CRTAM: variants seen among roughly 807,000 people sequenced by gnomAD.
The protein encoded by CRTAM is cytotoxic and regulatory T-cell molecule.
Under a neutral mutation model 50.0 loss-of-function variants are expected in CRTAM, and 44 were observed. The observed-to-expected ratio is 0.88, with a 90% confidence interval of 0.69 to 1.13. The LOEUF (loss-of-function observed/expected upper bound fraction) is 1.13, where lower values mean the gene tolerates loss of function less well. CRTAM is among the 50% of genes most tolerant of loss of function. The pLI is 0.00. For synonymous variants in CRTAM, 159 were observed against 169.3 expected, an observed-to-expected ratio of 0.94 and a Z score of 0.47; for missense variants, 448 against 457.5, an observed-to-expected ratio of 0.98 and a Z score of 0.19.
At position 122,872,535 on chromosome 11, in the gene CRTAM, A is replaced by G. The variant is rs1862269582; in HGVS notation, c.*1136A>G. On this transcript the variant is annotated 3_prime_UTR_variant, in exon 10 of 10. Coordinates refer to ENST00000227348, the MANE Select transcript of CRTAM (RefSeq NM_019604.4). ...TTCACGTGTGAAAGTAACATGGGAC[A>G]TGCCTTTCTTTTCCGATCAGTTTAT... 6.5e-6 allele frequency: 1 copy of G among 152,686 alleles called. No individual in the cohort carries two copies. The highest frequency in any genetic ancestry group is 6.5e-5 in the Admixed American group (1 of 15,280). The allele number at this position is 152,686 out of a possible 1,614,324, so 9.5% of individuals were successfully genotyped here.
intron 7 of CRTAM, among the ~76,000 whole-genome samples, chr11:122,865,617 A>T (rs551038847): frequency 6.6e-6 from 1 of 152,184 alleles, no homozygotes; most frequent in East Asian, 1.9e-4. Context: ...TATTTCCAGA[A>T]CATCCTCCTC....
chr11:122,850,162 C>T lies in CRTAM; in HGVS notation c.141C>T (p.Ser47=). The stretch of plus-strand genomic sequence containing the variant: ...TCACTTCTCTGAGGAAGAACTCCTC[C>T]CTCCAGTGGCTGACCCCCTCAGGGT... ...KCVTSLRKNS[S]LQWLTPSGFT... Residue 47 remains serine, a synonymous_variant, in exon 2 of 10, where the codon TCC becomes TCT. Coordinates refer to ENST00000227348, the MANE Select transcript of CRTAM (RefSeq NM_019604.4). 1 of 1,613,590 alleles carries T rather than the reference C, an allele frequency of 6.2e-7. No individual in the cohort carries two copies. The highest frequency in any genetic ancestry group is 8.5e-7 in the Non-Finnish European group (1 of 1,179,608).
intron 1 of CRTAM, among the ~76,000 whole-genome samples, chr11:122,847,157 T>C (rs534248315): frequency 7.0e-4 from 106 of 152,332 alleles, no homozygotes; most frequent in African/African-American, 2.5e-3. Context: ...TTTTTCCTGT[T>C]TTTATGGTAA....
intron 1 of CRTAM, among the ~76,000 whole-genome samples, chr11:122,848,085 G>T (rs186750160): frequency 9.2e-5 from 14 of 152,282 alleles, no homozygotes; most frequent in Admixed American, 9.1e-4. Context: ...TGAACACTCA[G>T]GCCTGGGGTC....
At position 122,861,165 on chromosome 11, in the gene CRTAM, C is replaced by T. The variant is rs537939911; in HGVS notation, c.653-1299C>T. Among the ~76,000 whole-genome samples the T allele has an allele frequency of 2.5e-3, 377 of 151,774 alleles. 2 individuals carry two copies. Among genetic ancestry groups the T allele is most frequent in the African/African-American group, 8.6e-3 (357 of 41,384 alleles). On this transcript the variant is annotated intron_variant, in intron 5 of 9. Coordinates refer to ENST00000227348, the MANE Select transcript of CRTAM (RefSeq NM_019604.4). The stretch of plus-strand genomic sequence containing the variant: ...TATACTATTATCTCTATAATGTTTC[C>T]TTAGTAATTCTTTCTTTCCTCAGAG...
chr11:122,846,394 C>T (rs548262735), intron 1 of CRTAM, among the ~76,000 whole-genome samples: 102 of 107,232 alleles, frequency 9.5e-4, no homozygotes, highest in African/African-American at 3.5e-3. Context: ...CTGCAACCTC[C>T]TCCTCCCGGG....
rs1261537671 is a variant in CRTAM at position 122,871,288 on chromosome 11, C to T, written c.1071C>T (p.Cys357=). The T allele has an allele frequency of 1.2e-6, 2 of 1,613,112 alleles. No homozygotes were observed. Among genetic ancestry groups the T allele is most frequent in the Middle Eastern group, 1.7e-4 (1 of 6,016 alleles). Residue 357 remains cysteine (C), a synonymous_variant, in exon 10 of 10, where the codon TGC becomes TGT. Transcript: ENST00000227348. ...TTTCAGCTTCCCACCCTATGCGTTG[C>T]ATGAACTACATCACAAAGTTGTACT... ...KNGQSSHPMR[C]MNYITKLYSE...
At chr11:122,847,379 C>A (rs1861878822) in intron 1 of CRTAM, among the ~76,000 whole-genome samples, 1 of 152,150 alleles carries the variant, frequency 6.6e-6, no homozygotes, top group Non-Finnish European at 1.5e-5. Flanking sequence ...ATAAGACAAT[C>A]AAGAGCCAGA....
intron 5 of CRTAM, among the ~76,000 whole-genome samples, chr11:122,861,407 TATATATATA>T (rs1393326842): frequency 6.1e-4 from 12 of 19,654 alleles, no homozygotes; most frequent in African/African-American, 2.6e-3. Context: ...TATATATATA[TATATATATA>T]TATATTTTTT....
chr11:122,852,048 T>A (rs1861937252), intron 3 of CRTAM, among the ~76,000 whole-genome samples: 1 of 152,192 alleles, frequency 6.6e-6, no homozygotes, highest in African/African-American at 2.4e-5. Context: ...TTGTGAAATT[T>A]GTCTTTGACA....
chr11:122,848,538 A>C (rs557928451), intron 1 of CRTAM, among the ~76,000 whole-genome samples: 5 of 152,298 alleles, frequency 3.3e-5, no homozygotes, highest in African/African-American at 1.2e-4. Flanking sequence ...TTCCCGTGAA[A>C]GCTTATATGA....
intron 2 of CRTAM, among the ~76,000 whole-genome samples, chr11:122,850,866 C>A (rs1861921301): frequency 1.3e-5 from 2 of 152,158 alleles, no homozygotes; most frequent in African/African-American, 4.8e-5. Flanking sequence ...TTTTACTAAA[C>A]CCTAGATCAT....
At chr11:122,839,214 A>G (rs542665937) in intron 1 of CRTAM, among the ~76,000 whole-genome samples, 160 of 152,222 alleles carry the variant, frequency 1.1e-3, no homozygotes, top group South Asian at 7.3e-3. Flanking sequence ...TTACAGGCGT[A>G]AGCCACCGCG....
At chr11:122,863,333 G>A (rs947332562) in intron 6 of CRTAM, among the ~76,000 whole-genome samples, 1 of 89,224 alleles carries the variant, frequency 1.1e-5, no homozygotes, top group Non-Finnish European at 3.0e-5. Flanking sequence ...AAGAAAGAAA[G>A]AAAGAAAGAA....
intron 1 of CRTAM, among the ~76,000 whole-genome samples, chr11:122,842,098 C>G (rs1474160474): frequency 6.6e-6 from 1 of 152,102 alleles, no homozygotes; most frequent in East Asian, 1.9e-4. Context: ...TTTCTGGAAA[C>G]AGCAAGTGGA....
chr11:122,862,976 G>T (rs562262490), intron 6 of CRTAM, among the ~76,000 whole-genome samples: 91 of 152,326 alleles, frequency 6.0e-4, no homozygotes, highest in African/African-American at 2.2e-3. Flanking sequence ...TGGAGATTTG[G>T]TGTTGTCATT....
rs1312594011 is a variant in CRTAM at position 122,863,270 on chromosome 11, GAA to G, written c.733+730_733+731del. ...GAAAGAGAGAAAGAAAAGAAAGAAA[GAA>G]AAAGAAAGAAAGAAAAAGAAAGAAA... On this transcript the variant is annotated intron_variant, in intron 6 of 9. Transcript: ENST00000227348. Among the ~76,000 whole-genome samples the G allele has an allele frequency of 3.0e-3, 22 of 7,300 alleles. 1 individual carries two copies. The highest frequency in any genetic ancestry group is 8.2e-3 in the East Asian group (1 of 122). 4.8% of individuals were successfully genotyped at this position (7,300 alleles called of 152,430 possible). A position where few individuals can be genotyped will look rare whatever the true frequency, so the allele number is the denominator to read the frequency against.
chr11:122,848,118 C>T (rs981114813), intron 1 of CRTAM, among the ~76,000 whole-genome samples: 1 of 152,192 alleles, frequency 6.6e-6, no homozygotes, highest in Admixed American at 6.5e-5. Context: ...GCGTGGGCCC[C>T]ACCACGAATT....
intron 7 of CRTAM, among the ~76,000 whole-genome samples, 153 bp from the exon 8 acceptor site, chr11:122,867,256 T>A (rs921024234): frequency 2.6e-5 from 4 of 152,126 alleles, no homozygotes; most frequent in Non-Finnish European, 4.4e-5. Flanking sequence ...AATGTAAGTC[T>A]CTTTACCTTC....
Sources: allele counts gnomAD v4.1 joint callset (sites outside exome capture counted in the v4.1 genomes callset), GRCh38; gene constraint gnomAD v4.1.1; transcripts MANE v1.5; gene names NCBI Gene and HGNC (gene_info 2026-07-23, HGNC 2026-07-21).